JAZF1: variants seen among roughly 807,000 people sequenced by gnomAD.
JAZF1 encodes the protein JAZF zinc finger 1, also known as juxtaposed with another zinc finger protein 1.
In JAZF1, 8 loss-of-function variants were observed where a neutral mutation model predicts 26.4. The ratio of observed to expected loss-of-function variants is 0.30; its 90% CI spans 0.18 to 0.55. The LOEUF (loss-of-function observed/expected upper bound fraction) is 0.55, where lower values mean the gene tolerates loss of function less well. JAZF1 is among the 20% of genes least tolerant of loss of function. JAZF1 has a pLI of 0.94. For missense variants in JAZF1, 199 were observed against 322.0 expected (o/e 0.62, Z 2.92); for synonymous variants, 126 against 122.3 (o/e 1.03, Z -0.20).
intron 1 of JAZF1, among the ~76,000 whole-genome samples, chr7:28,064,683 A>G (rs921008498): frequency 1.3e-5 from 2 of 152,224 alleles, no homozygotes; most frequent in African/African-American, 2.4e-5. Context: ...TCTTATTATC[A>G]TCTAACTCAG....
intron 1 of JAZF1, among the ~76,000 whole-genome samples, chr7:28,040,760 G>A (rs1047301248): frequency 6.6e-5 from 10 of 152,118 alleles, no homozygotes; most frequent in African/African-American, 2.2e-4. Context: ...TTCCATGATC[G>A]CCCAGAGTTA....
chr7:27,910,666 T>C (rs1283663159), intron 2 of JAZF1, among the ~76,000 whole-genome samples: 2 of 152,226 alleles, frequency 1.3e-5, no homozygotes, highest in East Asian at 1.9e-4. Flanking sequence ...TTTAATGGAT[T>C]GCAGCCGGGA....
chr7:27,962,909 T>C (rs1785208706), intron 2 of JAZF1, among the ~76,000 whole-genome samples: 1 of 152,208 alleles, frequency 6.6e-6, no homozygotes, highest in East Asian at 1.9e-4. Context: ...ATCTTTTTTG[T>C]CCTTGTTAAA....
chr7:28,133,415 A>G (rs559413025), intron 1 of JAZF1, among the ~76,000 whole-genome samples: 1 of 152,338 alleles, frequency 6.6e-6, no homozygotes, highest in East Asian at 1.9e-4. Flanking sequence ...CTGCTTAGAT[A>G]AAGGTCTCTA....
intron 3 of JAZF1, among the ~76,000 whole-genome samples, chr7:27,866,362 C>T (rs1783472883): frequency 6.6e-6 from 1 of 152,176 alleles, no homozygotes; most frequent in South Asian, 2.1e-4. Context: ...CTGTCCAGAG[C>T]CCACATGGTG....
chr7:28,071,581 C>T (rs748431878), intron 1 of JAZF1: 1 of 471,572 alleles, frequency 2.1e-6, no homozygotes, highest in South Asian at 1.6e-5. Context: ...TAACCAGCTC[C>T]TAATCTGCCA....
chr7:27,907,092 G>T (rs931150327), intron 2 of JAZF1, among the ~76,000 whole-genome samples: 3 of 152,170 alleles, frequency 2.0e-5, no homozygotes, highest in African/African-American at 7.2e-5. Context: ...CCAGTATTCA[G>T]CTGGGAACAC....
At chr7:28,178,257 T>TA (rs901305983) in intron 1 of JAZF1, among the ~76,000 whole-genome samples, 147 of 148,680 alleles carry the variant, frequency 9.9e-4, no homozygotes, top group African/African-American at 2.5e-3. Flanking sequence ...TTTCTACACT[T>TA]AAAAAAAAAA....
intron 2 of JAZF1, among the ~76,000 whole-genome samples, chr7:27,935,392 T>C (rs1202511967): frequency 6.6e-6 from 1 of 152,238 alleles, no homozygotes; most frequent in African/African-American, 2.4e-5. Flanking sequence ...AGTACTGACA[T>C]ATGTGATAAC....
At chr7:27,847,353 T>C (rs79709893) in intron 3 of JAZF1, among the ~76,000 whole-genome samples, 1,771 of 152,164 alleles carry the variant, frequency 0.012, 41 homozygotes, top group African/African-American at 0.04. Context: ...ATCCAAAAAA[T>C]TCATTGACAA....
At chr7:27,999,328 C>T (rs913326298) in intron 1 of JAZF1, among the ~76,000 whole-genome samples, 1 of 152,168 alleles carries the variant, frequency 6.6e-6, no homozygotes, top group Non-Finnish European at 1.5e-5. Flanking sequence ...ATCCAAGCAG[C>T]ATGCAACACA....
chr7:27,951,131 GCT>G (rs1785001742), intron 2 of JAZF1, among the ~76,000 whole-genome samples: 3 of 152,158 alleles, frequency 2.0e-5, no homozygotes, highest in Admixed American at 1.3e-4. Flanking sequence ...AAGAGGCTTA[GCT>G]CAGTGCCTGG....
intron 2 of JAZF1, among the ~76,000 whole-genome samples, chr7:27,897,644 A>G (rs984578038): frequency 2.6e-5 from 4 of 152,170 alleles, no homozygotes; most frequent in African/African-American, 9.7e-5. Context: ...CCTGATTTGG[A>G]CTTCCCGAGC....
intron 1 of JAZF1, among the ~76,000 whole-genome samples, chr7:28,007,112 T>G (rs552013460): frequency 6.6e-6 from 1 of 152,238 alleles, no homozygotes; most frequent in South Asian, 2.1e-4. Context: ...TAGGAGCAGG[T>G]AAAAGTATGC....
rs140197546 is a variant in JAZF1, at chr7:27,862,387, T to C, written c.386-21520A>G. Among the ~76,000 whole-genome samples, 487 of 151,824 alleles carry C rather than the reference T, an allele frequency of 3.2e-3. 2 individuals are homozygous for C. Among genetic ancestry groups the C allele is most frequent in the African/African-American group, 0.011 (450 of 41,440 alleles). On this transcript the variant is annotated intron_variant, in intron 3 of 4. Transcript: ENST00000283928. The stretch of plus-strand genomic sequence containing the variant: ...CCCCGCCCCAGAGGTCCCCAGTGTC[T>C]ACTGCTGCCGTCTTTATGTCCATGA...
chr7:28,119,462 A>T (rs1294960345), intron 1 of JAZF1, among the ~76,000 whole-genome samples: 1 of 151,848 alleles, frequency 6.6e-6, no homozygotes, highest in Non-Finnish European at 1.5e-5. Context: ...CTTGACACCT[A>T]CTATAACCAT....
At chr7:27,845,312 G>C (rs1782999015) in intron 3 of JAZF1, among the ~76,000 whole-genome samples, 1 of 152,188 alleles carries the variant, frequency 6.6e-6, no homozygotes, top group African/African-American at 2.4e-5. Flanking sequence ...GCTCTGCTGG[G>C]GAACTCTGGA....
chr7:27,967,008 G>C (rs1345839626), intron 2 of JAZF1, among the ~76,000 whole-genome samples: 3 of 152,212 alleles, frequency 2.0e-5, no homozygotes, highest in African/African-American at 4.8e-5. Flanking sequence ...GTCTATGCCA[G>C]TGATAAACCA....
chr7:27,855,374 G>A (rs1375636054), intron 3 of JAZF1, among the ~76,000 whole-genome samples: 1 of 151,960 alleles, frequency 6.6e-6, no homozygotes, highest in Non-Finnish European at 1.5e-5. Context: ...ATAACTAAGA[G>A]CAGAACTGAA....
Sources: allele counts gnomAD v4.1 joint callset (sites outside exome capture counted in the v4.1 genomes callset), GRCh38; gene constraint gnomAD v4.1.1; transcripts MANE v1.5; gene names NCBI Gene and HGNC (gene_info 2026-07-23, HGNC 2026-07-21).